The following GPRC6A variants were observed in gnomAD, a reference collection of about 807,000 sequenced individuals.
The protein encoded by GPRC6A is G protein-coupled receptor class C group 6 member A, also known as G protein-coupled receptor family C group 6 member A.
In GPRC6A, 54 loss-of-function variants were observed where a neutral mutation model predicts 47.0. The observed-to-expected ratio is 1.15, with a 90% CI of 0.92 to 1.44. GPRC6A has a LOEUF of 1.44. Among genes scored for constraint, GPRC6A ranks in the 40% most tolerant of loss-of-function variants. GPRC6A has a pLI of 0.00. For missense variants in GPRC6A, 1,112 were observed against 1,105.5 expected (o/e 1.01, Z -0.08); for synonymous variants, 347 against 377.1 (o/e 0.92, Z 0.93).
At chr6:116,820,845 G>C (rs1347734314) in intron 1 of GPRC6A, among the ~76,000 whole-genome samples, 4 of 150,990 alleles carry the variant, frequency 2.6e-5, no homozygotes, top group Non-Finnish European at 4.5e-5. Flanking sequence ...CGTAGTGTTG[G>C]AAGTTCTGGC....
chr6:116,795,511 A>G (rs1029938108), intron 5 of GPRC6A, among the ~76,000 whole-genome samples: 1 of 152,166 alleles, frequency 6.6e-6, no homozygotes, highest in African/African-American at 2.4e-5. Flanking sequence ...TTACATCTCT[A>G]TTATTTATTT....
intron 3 of GPRC6A, among the ~76,000 whole-genome samples, chr6:116,804,302 G>T (rs138094188): frequency 6.6e-6 from 1 of 151,962 alleles, no homozygotes; most frequent in Non-Finnish European, 1.5e-5. Flanking sequence ...CAAAATAAGT[G>T]CTATCCTCAA....
chr6:116,792,814 T>G lies in GPRC6A; in HGVS notation c.2109A>C (p.Arg703Ser). Residue 703 changes from arginine (R) to serine (S), a missense_variant, in exon 6 of 6, where the codon AGA (arginine) becomes AGC (serine). Arg to Ser is a moderately radical substitution (Grantham distance 110). Transcript: ENST00000310357. Reference sequence around the variant, plus strand: ...TGCAAGTGAAGATAATAAGGATCGGTCTATAGAGGCACTTCAGAAATTTCT... The same window carrying G: ...TGCAAGTGAAGATAATAAGGATCGGGCTATAGAGGCACTTCAGAAATTTCT... ...KLQKFLKCLY[R>S]PILIIFTCTG... 6.2e-7 allele frequency: 1 copy of G among 1,614,010 alleles called. No individual in the cohort carries two copies. The highest frequency in any genetic ancestry group is 1.1e-5 in the South Asian group (1 of 91,086).
intron 1 of GPRC6A, among the ~76,000 whole-genome samples, chr6:116,809,986 C>T (rs1344430679): frequency 6.6e-6 from 1 of 151,992 alleles, no homozygotes; most frequent in African/African-American, 2.4e-5. Context: ...TTTTAGTTTT[C>T]TGATTCTAGT....
At chr6:116,795,611 T>C (rs962802026) in intron 5 of GPRC6A, 101 bp downstream of exon 5, 1 of 1,017,568 alleles carries the variant, frequency 9.8e-7, no homozygotes, top group Non-Finnish European at 1.4e-6. Context: ...GGAAGCTTTT[T>C]AAATTTTTTC....
chr6:116,792,786 C>T lies in GPRC6A; in HGVS notation c.2137G>A (p.Gly713Ser). 6.2e-7 allele frequency: 1 copy of T among 1,614,008 alleles called. No homozygotes were observed. The highest frequency in any genetic ancestry group is 8.5e-7 in the Non-Finnish European group (1 of 1,179,956). ...RPILIIFTCTGIQVVICTLWL... is the reference protein window; with the variant it reads ...RPILIIFTCTSIQVVICTLWL... ...AGTGTGCAAATGACAACCTGGATGC[C>T]CGTGCAAGTGAAGATAATAAGGATC... The change falls in exon 6 of 6, where the codon GGC becomes AGC. Residue 713 changes from glycine to serine, a missense_variant. Transcript: ENST00000310357.
intron 1 of GPRC6A, among the ~76,000 whole-genome samples, chr6:116,813,071 A>G (rs1213225528): frequency 6.6e-6 from 1 of 152,220 alleles, no homozygotes; most frequent in Non-Finnish European, 1.5e-5. Flanking sequence ...GGACCTCTTC[A>G]AGGAGAACTA....
At chr6:116,800,918 A>C in intron 3 of GPRC6A, 122 bp from the exon 4 acceptor site, 1 of 648,908 alleles carries the variant, frequency 1.5e-6, no homozygotes, top group Non-Finnish European at 2.6e-6. Flanking sequence ...AAGATTATAA[A>C]TCACTGGTTG....
At chr6:116,807,525 T>C (rs1772894371) in intron 2 of GPRC6A, among the ~76,000 whole-genome samples, 1 of 152,200 alleles carries the variant, frequency 6.6e-6, no homozygotes, top group Non-Finnish European at 1.5e-5. Flanking sequence ...TACTTAGAGG[T>C]AAATGCGGTC....
At chr6:116,812,818 G>C (rs1371766997) in intron 1 of GPRC6A, among the ~76,000 whole-genome samples, 2 of 152,150 alleles carry the variant, frequency 1.3e-5, no homozygotes, top group East Asian at 3.8e-4. Context: ...AAGTTAAATT[G>C]TCCCTGTTGG....
rs773884316 is a variant in GPRC6A, at chr6:116,792,496, A to G, written c.2427T>C (p.Tyr809=). Residue 809 remains tyrosine, a synonymous_variant, in exon 6 of 6, where the codon TAT becomes TAC. Coordinates refer to ENST00000310357, the MANE Select transcript of GPRC6A (RefSeq NM_148963.4). Reference sequence around the variant, plus strand: ...TGACAATAATCTCCACAGCTGGTACATATTTGCCAAATGTGGTAGCATAGA... The same window carrying G: ...TGACAATAATCTCCACAGCTGGTACGTATTTGCCAAATGTGGTAGCATAGA... ...IPIYATTFGK[Y]VPAVEIIVIL... 4 of 1,613,892 alleles carry G rather than the reference A, an allele frequency of 2.5e-6. No individual in the cohort carries two copies. The highest frequency in any genetic ancestry group is 4.5e-5 in the East Asian group (2 of 44,876).
intron 3 of GPRC6A, among the ~76,000 whole-genome samples, chr6:116,804,214 T>C (rs150362871): frequency 0.011 from 1,676 of 152,074 alleles, 28 homozygotes; most frequent in Admixed American, 0.04. Context: ...CTGAGGAACA[T>C]TAAAAATCTG....
chr6:116,801,089 G>C (rs1772661373), intron 3 of GPRC6A, among the ~76,000 whole-genome samples: 1 of 151,976 alleles, frequency 6.6e-6, no homozygotes, highest in South Asian at 2.1e-4. Flanking sequence ...TTTTAGAATG[G>C]GTCCCCTGGT....
intron 1 of GPRC6A, among the ~76,000 whole-genome samples, chr6:116,817,715 C>T (rs1017565600): frequency 9.9e-5 from 15 of 151,888 alleles, no homozygotes; most frequent in Admixed American, 2.0e-4. Context: ...AGCCAAGGCT[C>T]GAGAACTACG....
chr6:116,818,799 C>G (rs1209023083), intron 1 of GPRC6A, among the ~76,000 whole-genome samples: 1 of 151,218 alleles, frequency 6.6e-6, no homozygotes, highest in South Asian at 2.1e-4. Context: ...ACTGCATCAA[C>G]TAACGAACAA....
chr6:116,817,665 C>T (rs1257251998), intron 1 of GPRC6A, among the ~76,000 whole-genome samples: 1 of 151,782 alleles, frequency 6.6e-6, no homozygotes, highest in Admixed American at 6.6e-5. Context: ...GCTAGAATAA[C>T]CAATACAGAG....
At chr6:116,793,337 A>G in intron 5 of GPRC6A, 87 bp from the exon 6 acceptor site, 1 of 903,714 alleles carries the variant, frequency 1.1e-6, no homozygotes. Context: ...CGTCTTCTTT[A>G]ATAGTTCTGA....
At position 116,792,169 on chromosome 6, in the gene GPRC6A, CAA is replaced by C. The variant is rs764851253; in HGVS notation, c.2752_2753del (p.Leu918AlafsTer13). ...ATATACTTGACATTCTTTTTCGAGG[CAA>C]AGTTTTAGATACACTTGTGGCATTT... ...RENATSVSKT[L>X]PRKRMSSI On this transcript the variant is annotated frameshift_variant, in exon 6 of 6. Coordinates refer to ENST00000310357, the MANE Select transcript of GPRC6A (RefSeq NM_148963.4). LOFTEE classifies it high-confidence loss of function. 6.2e-7 allele frequency: 1 copy of C among 1,613,102 alleles called. No individual in the cohort carries two copies. The highest frequency in any genetic ancestry group is 8.5e-7 in the Non-Finnish European group (1 of 1,179,468).
At position 116,800,618 on chromosome 6, in the gene GPRC6A, T is replaced by G; in HGVS notation, c.1514A>C (p.Asp505Ala). 1.2e-6 allele frequency: 2 copies of G among 1,613,578 alleles called. No individual in the cohort carries two copies. Among genetic ancestry groups the G allele is most frequent in the Non-Finnish European group, 1.7e-6 (2 of 1,179,676 alleles). The change falls in exon 4 of 6, where the codon GAT (aspartate) becomes GCT (alanine). Residue 505 changes from aspartate to alanine, a missense_variant. Transcript: ENST00000310357. The part of the protein sequence containing the change: ...DLQNDVFIIP[D>A]QETKNEFRNL... ...CCTGAACTCATTTTTTGTTTCCTGA[T>G]CTGGGATGATGAAGACATCATTCTG...
Sources: allele counts gnomAD v4.1 joint callset (sites outside exome capture counted in the v4.1 genomes callset), GRCh38; gene constraint gnomAD v4.1.1; transcripts MANE v1.5; gene names NCBI Gene and HGNC (gene_info 2026-07-23, HGNC 2026-07-21).